ANO4: variants seen among roughly 807,000 people sequenced by gnomAD.
ANO4 encodes the protein anoctamin 4, also known as anoctamin-4.
A neutral mutation model predicts 141.9 loss-of-function variants in ANO4; 69 were observed. That is an observed-to-expected ratio of 0.49 (90% CI 0.40 to 0.59). The LOEUF (loss-of-function observed/expected upper bound fraction) is 0.59. ANO4 is among the 20% of genes least tolerant of loss of function. The probability of loss-of-function intolerance (pLI) is 0.00; values close to 1 mark genes in which losing one functional copy is unlikely to be tolerated. For synonymous variants in ANO4, 350 were observed against 394.3 expected, an observed-to-expected ratio of 0.89 and a Z score of 1.33; for missense variants, 894 against 1,162.2, an observed-to-expected ratio of 0.77 and a Z score of 3.36.
chr12:101,104,168 G>A (rs1029719592), intron 22 of ANO4, among the ~76,000 whole-genome samples: 2 of 151,734 alleles, frequency 1.3e-5, no homozygotes, highest in African/African-American at 4.8e-5. Context: ...CTTTTCAAAA[G>A]AAAAACTAAC....
chr12:100,985,008 C>G (rs1208350965), intron 7 of ANO4, among the ~76,000 whole-genome samples: 1 of 152,092 alleles, frequency 6.6e-6, no homozygotes, highest in Non-Finnish European at 1.5e-5. Flanking sequence ...AGCCCAGATT[C>G]TGTGGGAATG....
At chr12:100,848,749 C>G (rs534328591) in intron 1 of ANO4, among the ~76,000 whole-genome samples, 1 of 152,240 alleles carries the variant, frequency 6.6e-6, no homozygotes, top group South Asian at 2.1e-4. Context: ...ATTTTCTTAA[C>G]TTTTGGACAT....
At chr12:101,056,893 T>C (rs2048141186) in intron 14 of ANO4, among the ~76,000 whole-genome samples, 1 of 62,638 alleles carries the variant, frequency 1.6e-5, no homozygotes, top group Non-Finnish European at 3.1e-5. Context: ...CTGGGATACA[T>C]GTGTGGAACG....
At chr12:101,099,125 A>G (rs577606337) in intron 21 of ANO4, among the ~76,000 whole-genome samples, 4 of 152,284 alleles carry the variant, frequency 2.6e-5, no homozygotes, top group African/African-American at 7.2e-5. Context: ...TTTGTGTGCC[A>G]AGAGAGGAAG....
chr12:101,014,114 G>A (rs193197593), intron 8 of ANO4, among the ~76,000 whole-genome samples: 23 of 151,796 alleles, frequency 1.5e-4, no homozygotes, highest in Admixed American at 5.2e-4. Flanking sequence ...AATATACAAC[G>A]CCCATGCCCA....
chr12:100,874,452 C>A (rs1335101286), intron 1 of ANO4, among the ~76,000 whole-genome samples: 2 of 152,250 alleles, frequency 1.3e-5, no homozygotes, highest in African/African-American at 4.8e-5. Context: ...CTAGCCCTTG[C>A]ATCAGGTGGC....
At chr12:100,766,558 A>G (rs1046119100) in intron 3 of ANO4, among the ~76,000 whole-genome samples, 5 of 152,052 alleles carry the variant, frequency 3.3e-5, no homozygotes, top group African/African-American at 1.2e-4. Context: ...TTCAAATTTC[A>G]TCTCGTTATT....
chr12:100,729,401 A>G (rs945804129), intron 1 of ANO4, among the ~76,000 whole-genome samples: 1 of 147,032 alleles, frequency 6.8e-6, no homozygotes, highest in African/African-American at 2.5e-5. Flanking sequence ...GGTAACACTA[A>G]TTGAACACGT....
chr12:100,834,233 G>T lies in ANO4; in HGVS notation c.-141+39206G>T, dbSNP rs2036782935. The stretch of plus-strand genomic sequence containing the variant: ...TGCAAATAAGAAGAGACTGTGTGAT[G>T]GGTTCAGCCCAGCTACACCAGGGCA... On this transcript the variant is annotated intron_variant, in intron 1 of 27. Transcript: ENST00000392977. Among the ~76,000 whole-genome samples the T allele has an allele frequency of 2.0e-5, 3 of 152,116 alleles. No homozygotes were observed. The South Asian group carries it at 6.2e-4, about 32-fold the overall frequency.
At chr12:101,107,833 T>C (rs147028883) in intron 22 of ANO4, among the ~76,000 whole-genome samples, 104 of 152,078 alleles carry the variant, frequency 6.8e-4, no homozygotes, top group Admixed American at 1.2e-3. Flanking sequence ...AGCTGAAAGT[T>C]TGGAGGCAAA....
intron 1 of ANO4, among the ~76,000 whole-genome samples, chr12:100,733,289 A>AGAGGATG (rs2031461919): frequency 6.6e-6 from 1 of 152,168 alleles, no homozygotes; most frequent in Non-Finnish European, 1.5e-5. Context: ...CTCAGCCTCC[A>AGAGGATG]GAGGATGGAG....
Position 100,868,191 on chromosome 12 carries a change from G to A in ANO4, c.-140-33455G>A, listed in dbSNP as rs1288925957. On this transcript the variant is annotated intron_variant, in intron 1 of 27. Coordinates refer to ENST00000392977, the MANE Select transcript of ANO4 (RefSeq NM_001286615.2). ...CCTGGAAACAGCCATAGGATGCTATGTGGGAGGCTTGAAGGGCGAGTCACA... is the reference window on the plus strand; with the variant it reads ...CCTGGAAACAGCCATAGGATGCTATATGGGAGGCTTGAAGGGCGAGTCACA... Among the ~76,000 whole-genome samples the A allele has an allele frequency of 2.0e-5, 3 of 152,162 alleles. No individual in the cohort carries two copies. The East Asian group carries it at 5.8e-4, about 29-fold the overall frequency.
rs763949654 is a variant in ANO4, at chr12:100,806,524, G to GTTTTTTTTTTTTTTTTTTT, written c.-141+11515_-141+11533dup. 8.7e-4 allele frequency among the ~76,000 whole-genome samples: 52 copies of GTTTTTTTTTTTTTTTTTTT among 59,880 alleles called. 13 individuals are homozygous for GTTTTTTTTTTTTTTTTTTT. The highest frequency in any genetic ancestry group is 1.2e-3 in the Non-Finnish European group (38 of 30,962). The allele number at this position is 59,880 out of a possible 152,430, so 39.3% of individuals were successfully genotyped here. A position where few individuals can be genotyped will look rare whatever the true frequency, so the allele number is the denominator to read the frequency against. On this transcript the variant is annotated intron_variant, in intron 1 of 27. Transcript: ENST00000392977. ...TTTTAGGAGGTTTTTTTTTTGTTTCGTTTTTTTTTTTTTTTTTTTTTTTTT... is the reference window on the plus strand; with the variant it reads ...TTTTAGGAGGTTTTTTTTTTGTTTCGTTTTTTTTTTTTTTTTTTTTTTTTTTTTTTTTTTTTTTTTTTTT...
At chr12:100,875,553 T>A (rs1013510596) in intron 1 of ANO4, among the ~76,000 whole-genome samples, 1 of 152,184 alleles carries the variant, frequency 6.6e-6, no homozygotes, top group African/African-American at 2.4e-5. Context: ...GCCCCTAAAC[T>A]GCTTCAAAAT....
At chr12:101,081,022 A>ATTGT (rs2049254263) in intron 15 of ANO4, among the ~76,000 whole-genome samples, 1 of 141,244 alleles carries the variant, frequency 7.1e-6, no homozygotes, top group African/African-American at 2.5e-5. Flanking sequence ...TATGTATGTG[A>ATTGT]GTGTGTGTAT....
intron 8 of ANO4, among the ~76,000 whole-genome samples, chr12:101,015,575 G>T (rs182504903): frequency 1.3e-5 from 2 of 152,226 alleles, no homozygotes; most frequent in African/African-American, 4.8e-5. Flanking sequence ...GAACATTGTT[G>T]TACATCTGTC....
intron 3 of ANO4, among the ~76,000 whole-genome samples, chr12:100,938,276 T>G (rs1283515303): frequency 6.6e-6 from 1 of 152,252 alleles, no homozygotes; most frequent in Non-Finnish European, 1.5e-5. Flanking sequence ...GTCTTTGTTT[T>G]CTTCAGTTAT....
At chr12:101,039,532 A>G (rs180736281) in intron 10 of ANO4, among the ~76,000 whole-genome samples, 2 of 152,320 alleles carry the variant, frequency 1.3e-5, no homozygotes, top group African/African-American at 2.4e-5. Context: ...ATAAATAAAA[A>G]GAAGTAGGGA....
At chr12:101,093,992 T>A (rs2049880142) in intron 17 of ANO4, among the ~76,000 whole-genome samples, 1 of 152,158 alleles carries the variant, frequency 6.6e-6, no homozygotes. Flanking sequence ...CATAAAATTA[T>A]TCGCCCCAAA....
Sources: gnomAD v4.1 joint callset for allele counts (sites outside exome capture counted in the v4.1 genomes callset) on GRCh38, gnomAD v4.1.1 for gene constraint, MANE v1.5 for transcripts, NCBI Gene and HGNC (gene_info 2026-07-23, HGNC 2026-07-21) for gene names.